Variants in CPNE4 observed in about 807,000 individuals in gnomAD.
The protein encoded by CPNE4 is copine-4.
A neutral mutation model predicts 67.9 loss-of-function variants in CPNE4; 25 were observed. That is an observed-to-expected ratio of 0.37 (90% CI 0.27 to 0.51). The LOEUF is 0.51. Ranked by LOEUF, CPNE4 falls within the 20% of genes least tolerant of loss-of-function variation. The probability of loss-of-function intolerance (pLI) is 0.93; values close to 1 mark genes in which losing one functional copy is unlikely to be tolerated. For missense variants in CPNE4, 464 were observed against 690.8 expected, an observed-to-expected ratio of 0.67 and a Z score of 3.68; for synonymous variants, 242 against 244.9, an observed-to-expected ratio of 0.99 and a Z score of 0.11.
chr3:131,593,002 T>G (rs1938628192), intron 7 of CPNE4, among the ~76,000 whole-genome samples: 1 of 152,246 alleles, frequency 6.6e-6, no homozygotes, highest in African/African-American at 2.4e-5. Context: ...TGCCAACTTA[T>G]TGTACACTAG....
intron 1 of CPNE4, among the ~76,000 whole-genome samples, chr3:131,937,506 T>G (rs1027727641): frequency 1.6e-4 from 25 of 152,232 alleles, no homozygotes; most frequent in Middle Eastern, 6.8e-3. Context: ...GAGTCTTTCT[T>G]GAGAAAAATA....
chr3:131,998,613 G>A (rs1051859816), intron 1 of CPNE4, among the ~76,000 whole-genome samples: 5 of 152,060 alleles, frequency 3.3e-5, no homozygotes, highest in African/African-American at 1.2e-4. Flanking sequence ...TTTCAGAGTT[G>A]CATTTTCTTA....
At chr3:131,588,055 T>G (rs1008149603) in intron 7 of CPNE4, among the ~76,000 whole-genome samples, 1 of 151,548 alleles carries the variant, frequency 6.6e-6, no homozygotes, top group Non-Finnish European at 1.5e-5. Context: ...ATTAATCACA[T>G]TTTTCTTTTT....
intron 1 of CPNE4, among the ~76,000 whole-genome samples, chr3:131,938,610 C>T (rs1478194917): frequency 1.3e-5 from 2 of 152,016 alleles, no homozygotes; most frequent in African/African-American, 2.4e-5. Context: ...AAGCAGGCAC[C>T]TTCTTCACAG....
In CPNE4 at chr3:131,564,203, T is replaced by C; in HGVS notation, c.1061+13A>G. ...AGAGATGATAAGGCTCCAAATGTCCTGAAGCCTCTTACCTGTCATAGTCTT... is the reference window on the plus strand; with the variant it reads ...AGAGATGATAAGGCTCCAAATGTCCCGAAGCCTCTTACCTGTCATAGTCTT... On this transcript the variant is annotated intron_variant, in intron 11 of 15. Transcript: ENST00000429747. 2 of 1,609,184 alleles carry C rather than the reference T, an allele frequency of 1.2e-6. No homozygotes were observed. The highest frequency in any genetic ancestry group is 2.2e-5 in the South Asian group (2 of 91,048).
chr3:131,895,000 A>G (rs551085069), intron 2 of CPNE4, among the ~76,000 whole-genome samples: 1 of 152,068 alleles, frequency 6.6e-6, no homozygotes, highest in Non-Finnish European at 1.5e-5. Flanking sequence ...ATAGTGTGAT[A>G]TATTTGCACA....
intron 3 of CPNE4, among the ~76,000 whole-genome samples, chr3:131,712,621 GTTAATATATTA>G (rs2081587058): frequency 6.6e-6 from 1 of 152,202 alleles, no homozygotes; most frequent in Admixed American, 6.5e-5. Context: ...TGGTTTGGGG[GTTAATATATTA>G]TTTCGTGAAT....
chr3:131,691,271 G>A (rs998834075), intron 5 of CPNE4, among the ~76,000 whole-genome samples: 12 of 152,142 alleles, frequency 7.9e-5, no homozygotes, highest in Non-Finnish European at 8.8e-5. Context: ...CATCAAAGCA[G>A]TATTCACAAT....
chr3:131,780,989 A>T (rs1351114001), intron 2 of CPNE4, among the ~76,000 whole-genome samples: 1 of 151,984 alleles, frequency 6.6e-6, no homozygotes, highest in East Asian at 1.9e-4. Flanking sequence ...CTGGAAGTAG[A>T]GGTGGTCATG....
chr3:131,958,877 C>G (rs2072070752), intron 1 of CPNE4, among the ~76,000 whole-genome samples: 3 of 150,216 alleles, frequency 2.0e-5, no homozygotes, highest in African/African-American at 7.4e-5. Flanking sequence ...CCAGTCCGGT[C>G]TCGAACTCCC....
At chr3:131,687,791 G>A (rs1028460295) in intron 5 of CPNE4, among the ~76,000 whole-genome samples, 1 of 152,192 alleles carries the variant, frequency 6.6e-6, no homozygotes, top group East Asian at 1.9e-4. Context: ...CATCTAGGTT[G>A]CTGGTAAGAA....
At chr3:131,922,677 A>G (rs1384593836) in intron 1 of CPNE4, among the ~76,000 whole-genome samples, 1 of 152,226 alleles carries the variant, frequency 6.6e-6, no homozygotes, top group Non-Finnish European at 1.5e-5. Context: ...TTTGTTAAAC[A>G]TTCTCTAGTT....
intron 7 of CPNE4, among the ~76,000 whole-genome samples, chr3:131,649,941 G>A (rs2079766611): frequency 6.6e-6 from 1 of 152,128 alleles, no homozygotes; most frequent in Admixed American, 6.5e-5. Context: ...TGTCAGGTAG[G>A]CTGCATTTTC....
chr3:131,969,323 T>G (rs1353525047), intron 1 of CPNE4, among the ~76,000 whole-genome samples: 1 of 151,882 alleles, frequency 6.6e-6, no homozygotes, highest in African/African-American at 2.4e-5. Flanking sequence ...TGTATACCTA[T>G]GTAACAAACC....
At chr3:131,708,978 AT>A (rs1438751574) in intron 3 of CPNE4, among the ~76,000 whole-genome samples, 1 of 95,648 alleles carries the variant, frequency 1.0e-5, no homozygotes, top group African/African-American at 4.5e-5. Context: ...ATATATATAT[AT>A]ATATATATAT....
intron 2 of CPNE4, among the ~76,000 whole-genome samples, chr3:131,736,037 C>A (rs552395658): frequency 7.2e-5 from 11 of 152,266 alleles, no homozygotes; most frequent in African/African-American, 2.4e-4. Context: ...CAGCCTGGGG[C>A]AGATTTCAAT....
intron 2 of CPNE4, among the ~76,000 whole-genome samples, chr3:131,779,373 A>C (rs1273958593): frequency 6.6e-6 from 1 of 152,168 alleles, no homozygotes; most frequent in African/African-American, 2.4e-5. Context: ...CTGAATAGCC[A>C]AATCAATCCT....
chr3:131,579,059 A>G (rs115435915), intron 9 of CPNE4, among the ~76,000 whole-genome samples: 5,501 of 152,286 alleles, frequency 0.036, 299 homozygotes, highest in African/African-American at 0.12. Context: ...GGCTAGAGAG[A>G]AGAAGTCACT....
chr3:131,605,143 AT>A (rs1323234151), intron 7 of CPNE4, among the ~76,000 whole-genome samples: 1 of 152,104 alleles, frequency 6.6e-6, no homozygotes, highest in African/African-American at 2.4e-5. Context: ...TTTAAATCTT[AT>A]TCTCTTGCAT....
Sources: allele counts gnomAD v4.1 joint callset (sites outside exome capture counted in the v4.1 genomes callset), GRCh38; gene constraint gnomAD v4.1.1; transcripts MANE v1.5; gene names NCBI Gene and HGNC (gene_info 2026-07-23, HGNC 2026-07-21).